Variants in TWSG1 observed in about 807,000 individuals in gnomAD.
The protein encoded by TWSG1 is twisted gastrulation BMP signaling modulator 1, also known as twisted gastrulation protein homolog 1.
In TWSG1, 15 loss-of-function variants were observed where a neutral mutation model predicts 23.0. The observed-to-expected ratio is 0.65, with a 90% CI of 0.44 to 1.00. TWSG1 has a LOEUF of 1.00. Ranked by LOEUF, TWSG1 falls within the 50% of genes least tolerant of loss-of-function variation. TWSG1 has a pLI of 0.00. For missense variants in TWSG1, 242 were observed against 278.7 expected (o/e 0.87, Z 0.94); for synonymous variants, 86 against 92.8 (o/e 0.93, Z 0.42).
At chr18:9,395,358 A>G (rs1414107584) in intron 3 of TWSG1, among the ~76,000 whole-genome samples, 1 of 152,210 alleles carries the variant, frequency 6.6e-6, no homozygotes, top group Non-Finnish European at 1.5e-5. Context: ...CCAAGAATAC[A>G]TCAGTATATT....
In TWSG1 at chr18:9,399,747, G is replaced by A. The variant is rs1041310768; in HGVS notation, c.*220G>A. 2 of 408,862 alleles carry A rather than the reference G, an allele frequency of 4.9e-6. No homozygotes were observed. The highest frequency in any genetic ancestry group is 8.6e-6 in the Non-Finnish European group (2 of 232,778). The allele number at this position is 408,862 out of a possible 1,614,324, so 25.3% of individuals were successfully genotyped here. A position where few individuals can be genotyped will look rare whatever the true frequency, so the allele number is the denominator to read the frequency against. On this transcript the variant is annotated 3_prime_UTR_variant, in exon 5 of 5. Coordinates refer to ENST00000262120, the MANE Select transcript of TWSG1 (RefSeq NM_020648.6). ...CCCCTAGCAATAAGCCCTTTCCTTT[G>A]AATACATGTACAACTTTGGTCATAT... is the stretch of plus-strand genomic sequence containing the variant.
intron 4 of TWSG1, among the ~76,000 whole-genome samples, chr18:9,398,004 CAAAAAAAAAAA>C (rs573745689): frequency 1.2e-5 from 1 of 84,738 alleles, no homozygotes; most frequent in Non-Finnish European, 2.3e-5. Flanking sequence ...AACTCCATCT[CAAAAAAAAAAA>C]AAAAAAAAAA....
At chr18:9,375,896 G>A (rs1403969311) in intron 3 of TWSG1, among the ~76,000 whole-genome samples, 1 of 151,912 alleles carries the variant, frequency 6.6e-6, no homozygotes, top group Non-Finnish European at 1.5e-5. Flanking sequence ...CAAGATGTCA[G>A]TTCTTCCCAC....
chr18:9,361,036 T>G (rs2040550253), intron 3 of TWSG1, among the ~76,000 whole-genome samples: 2 of 152,220 alleles, frequency 1.3e-5, no homozygotes, highest in Non-Finnish European at 2.9e-5. Flanking sequence ...AGTATTTACC[T>G]TAATAATCAC....
chr18:9,377,118 A>G (rs979602071), intron 3 of TWSG1, among the ~76,000 whole-genome samples: 5 of 152,144 alleles, frequency 3.3e-5, no homozygotes, highest in African/African-American at 9.7e-5. Context: ...CCTGGAACCA[A>G]TCCCCCACAG....
chr18:9,351,428 A>G (rs1014453129), intron 2 of TWSG1, among the ~76,000 whole-genome samples: 2 of 151,998 alleles, frequency 1.3e-5, no homozygotes, highest in Non-Finnish European at 2.9e-5. Flanking sequence ...CACTAGCATT[A>G]TTTTATGTTT....
intron 3 of TWSG1, among the ~76,000 whole-genome samples, chr18:9,392,634 T>G (rs988164698): frequency 4.6e-5 from 7 of 152,258 alleles, no homozygotes; most frequent in African/African-American, 1.7e-4. Context: ...CTAGGCTGTT[T>G]GGCACAAGTG....
At chr18:9,341,547 C>G (rs2040446321) in intron 2 of TWSG1, among the ~76,000 whole-genome samples, 1 of 152,108 alleles carries the variant, frequency 6.6e-6, no homozygotes, top group South Asian at 2.1e-4. Context: ...TTTCTTGATT[C>G]ATCAGTTTTA....
At chr18:9,373,276 C>T (rs1328385298) in intron 3 of TWSG1, among the ~76,000 whole-genome samples, 1 of 152,184 alleles carries the variant, frequency 6.6e-6, no homozygotes, top group Non-Finnish European at 1.5e-5. Context: ...TGCAGTGGCT[C>T]ATGCCACTTT....
chr18:9,392,634 T>C (rs988164698), intron 3 of TWSG1, among the ~76,000 whole-genome samples: 1 of 152,258 alleles, frequency 6.6e-6, no homozygotes, highest in Non-Finnish European at 1.5e-5. Flanking sequence ...CTAGGCTGTT[T>C]GGCACAAGTG....
At chr18:9,373,937 G>A (rs567331167) in intron 3 of TWSG1, among the ~76,000 whole-genome samples, 3 of 152,262 alleles carry the variant, frequency 2.0e-5, no homozygotes, top group Non-Finnish European at 4.4e-5. Flanking sequence ...TGAAGATTAA[G>A]CAACACACTT....
At position 9,356,551 on chromosome 18, in the gene TWSG1, G is replaced by A. The variant is rs2145604516; in HGVS notation, c.124-3421G>A. Reference sequence around the variant, plus strand: ...AATTCATTTAGCAAGCTACCATTTGGAAGCTGCAGAAAAAGGAGAGACTAT... The same window carrying A: ...AATTCATTTAGCAAGCTACCATTTGAAAGCTGCAGAAAAAGGAGAGACTAT... On this transcript the variant is annotated intron_variant, in intron 2 of 4. Transcript: ENST00000262120. Among the ~76,000 whole-genome samples, 3 of 152,216 alleles carry A rather than the reference G, an allele frequency of 2.0e-5. 1 individual carries two copies. The Middle Eastern group carries it at 0.01, about 518-fold the overall frequency.
At chr18:9,394,736 C>T (rs2040726943) in intron 3 of TWSG1, among the ~76,000 whole-genome samples, 1 of 152,046 alleles carries the variant, frequency 6.6e-6, no homozygotes, top group South Asian at 2.1e-4. Context: ...TTGCTCAATA[C>T]CCTTCCTCTC....
At chr18:9,363,719 G>T (rs1334860906) in intron 3 of TWSG1, among the ~76,000 whole-genome samples, 1 of 152,112 alleles carries the variant, frequency 6.6e-6, no homozygotes, top group African/African-American at 2.4e-5. Flanking sequence ...TCCACCTCCT[G>T]AGTTCAAGTG....
intron 3 of TWSG1, among the ~76,000 whole-genome samples, chr18:9,377,919 A>G (rs1007821211): frequency 2.6e-5 from 4 of 151,904 alleles, no homozygotes; most frequent in Admixed American, 1.3e-4. Flanking sequence ...GGGTTTTGCC[A>G]TGTTGCCCAG....
chr18:9,338,317 C>A (rs1483131343), intron 2 of TWSG1, among the ~76,000 whole-genome samples: 1 of 152,166 alleles, frequency 6.6e-6, no homozygotes, highest in East Asian at 1.9e-4. Context: ...CATTTCAAAC[C>A]AAAACATTTA....
At chr18:9,366,572 T>C (rs1028946540) in intron 3 of TWSG1, among the ~76,000 whole-genome samples, 4 of 152,226 alleles carry the variant, frequency 2.6e-5, no homozygotes, top group African/African-American at 9.6e-5. Context: ...CATCTTCCTT[T>C]TGGAACATCC....
intron 3 of TWSG1, among the ~76,000 whole-genome samples, chr18:9,387,090 G>A (rs1370813583): frequency 6.6e-6 from 1 of 152,234 alleles, no homozygotes; most frequent in Non-Finnish European, 1.5e-5. Context: ...GTTAAGGATA[G>A]CTGCAGAATG....
intron 3 of TWSG1, among the ~76,000 whole-genome samples, chr18:9,379,833 A>G (rs2040648043): frequency 6.6e-6 from 1 of 152,226 alleles, no homozygotes; most frequent in African/African-American, 2.4e-5. Context: ...GAATCTATAG[A>G]TCAATTTGTA....
Sources: allele counts gnomAD v4.1 joint callset (sites outside exome capture counted in the v4.1 genomes callset), GRCh38; gene constraint gnomAD v4.1.1; transcripts MANE v1.5; gene names NCBI Gene and HGNC (gene_info 2026-07-23, HGNC 2026-07-21).